The following CABIN1 variants were observed in gnomAD, a reference collection of about 807,000 sequenced individuals.
The protein encoded by CABIN1 is calcineurin-binding protein cabin-1.
A neutral mutation model predicts 227.7 loss-of-function variants in CABIN1; 133 were observed. The observed-to-expected ratio is 0.58, with a 90% CI of 0.51 to 0.67. CABIN1 has a LOEUF of 0.67. CABIN1 is among the 30% of genes least tolerant of loss of function. The pLI is 0.00. For missense variants in CABIN1, 2,408 were observed against 2,852.5 expected (o/e 0.84, Z 3.55); for synonymous variants, 1,086 against 1,155.1 (o/e 0.94, Z 1.21).
chr22:24,033,164 A>G (rs1011415080), intron 1 of CABIN1, among the ~76,000 whole-genome samples: 1 of 152,216 alleles, frequency 6.6e-6, no homozygotes, highest in African/African-American at 2.4e-5. Context: ...AACCCAGGAG[A>G]TAAAACAGCT....
intron 12 of CABIN1, among the ~76,000 whole-genome samples, chr22:24,060,862 C>T (rs573612754): frequency 1.3e-5 from 2 of 151,820 alleles, no homozygotes; most frequent in African/African-American, 4.8e-5. Context: ...ATGGCGCCAC[C>T]GCACTCCAGC....
At chr22:24,078,196 C>T (rs1236668052) in intron 19 of CABIN1, among the ~76,000 whole-genome samples, 1 of 152,092 alleles carries the variant, frequency 6.6e-6, no homozygotes, top group Admixed American at 6.5e-5. Context: ...TGTCATGTGC[C>T]CCTCCCCCAC....
chr22:24,016,764 A>G (rs1216691938), intron 1 of CABIN1, among the ~76,000 whole-genome samples: 2 of 152,232 alleles, frequency 1.3e-5, no homozygotes, highest in Non-Finnish European at 2.9e-5. Flanking sequence ...ACAGTGTATG[A>G]GAATAGCGCC....
rs2039320031 is a variant in CABIN1 at position 24,063,154 on chromosome 22, C to G, written c.1884+8C>G. 2 of 1,613,704 alleles carry G rather than the reference C, an allele frequency of 1.2e-6. No individual in the cohort carries two copies. Among genetic ancestry groups the G allele is most frequent in the Non-Finnish European group, 1.7e-6 (2 of 1,179,812 alleles). ...CGCTTCCTGGCGCTGCAGGTTAGTT[C>G]CATGGTCAGCTGCTTGGGGAGCATG... On this transcript the variant is annotated splice_region_variant and intron_variant, in intron 14 of 36. Coordinates refer to ENST00000263119, the MANE Select transcript of CABIN1 (RefSeq NM_012295.4).
chr22:24,065,493 C>T (rs1336510294), intron 15 of CABIN1, among the ~76,000 whole-genome samples: 224 of 151,368 alleles, frequency 1.5e-3, no homozygotes, highest in African/African-American at 5.1e-3. Flanking sequence ...GGATGGTGTC[C>T]GGGCAGAGAC....
chr22:24,068,343 G>A (rs992666028), intron 16 of CABIN1, among the ~76,000 whole-genome samples: 1 of 152,184 alleles, frequency 6.6e-6, no homozygotes, highest in African/African-American at 2.4e-5. Flanking sequence ...TGTGTGGGAG[G>A]GACAGCCAGC....
chr22:24,126,177 A>C (rs73167538), intron 28 of CABIN1, among the ~76,000 whole-genome samples: 3,468 of 152,256 alleles, frequency 0.023, 54 homozygotes, highest in Non-Finnish European at 0.036. Flanking sequence ...GCAGCTGTCT[A>C]CTGAGTGGTT....
intron 19 of CABIN1, among the ~76,000 whole-genome samples, chr22:24,079,951 A>T (rs1422861976): frequency 6.6e-6 from 1 of 151,606 alleles, no homozygotes; most frequent in Non-Finnish European, 1.5e-5. Context: ...TAAAATTTGA[A>T]TGTCAAATTT....
At chr22:24,096,877 C>T (rs536764698) in intron 25 of CABIN1, among the ~76,000 whole-genome samples, 4 of 152,352 alleles carry the variant, frequency 2.6e-5, no homozygotes, top group African/African-American at 7.2e-5. Context: ...GTGCGAAATT[C>T]AGCTGACCCC....
At chr22:24,108,461 G>A (rs1487096955) in intron 26 of CABIN1, among the ~76,000 whole-genome samples, 1 of 152,234 alleles carries the variant, frequency 6.6e-6, no homozygotes, top group African/African-American at 2.4e-5. Context: ...TTCTGGCTTT[G>A]TAAGTCAGGG....
chr22:24,097,667 T>A (rs2041974162), intron 25 of CABIN1, among the ~76,000 whole-genome samples: 1 of 152,234 alleles, frequency 6.6e-6, no homozygotes, highest in Non-Finnish European at 1.5e-5. Context: ...AGGTCTTAAG[T>A]TTGTCAGGCT....
chr22:24,087,726 T>A lies in CABIN1; in HGVS notation c.3525+13T>A. 6.2e-7 allele frequency: 1 copy of A among 1,612,936 alleles called. No homozygotes were observed. Among genetic ancestry groups the A allele is most frequent in the Non-Finnish European group, 8.5e-7 (1 of 1,179,972 alleles). ...GCTCGTGCAGCAGGTGAGGAGGGGG[T>A]GCTGCAGATGGGCTTGCCATCCTTC... is the stretch of plus-strand genomic sequence containing the variant. On this transcript the variant is annotated intron_variant, in intron 23 of 36. Transcript: ENST00000263119.
At chr22:24,073,074 G>A (rs2040204843) in intron 18 of CABIN1, among the ~76,000 whole-genome samples, 2 of 152,190 alleles carry the variant, frequency 1.3e-5, no homozygotes, top group South Asian at 4.1e-4. Context: ...GGCTCATGGT[G>A]GGTGCTGAGT....
At chr22:24,094,340 G>A (rs1239549191) in intron 24 of CABIN1, among the ~76,000 whole-genome samples, 1 of 152,176 alleles carries the variant, frequency 6.6e-6, no homozygotes, top group Non-Finnish European at 1.5e-5. Context: ...AGCCCCAGGG[G>A]TACCAGCAGC....
At chr22:24,116,984 A>G (rs1341680034) in intron 27 of CABIN1, among the ~76,000 whole-genome samples, 1 of 152,166 alleles carries the variant, frequency 6.6e-6, no homozygotes, top group Non-Finnish European at 1.5e-5. Context: ...AAGTTTTCTC[A>G]TCTTCACGCA....
chr22:24,020,883 T>C (rs2146563496), intron 1 of CABIN1, among the ~76,000 whole-genome samples: 1 of 152,266 alleles, frequency 6.6e-6, no homozygotes, highest in South Asian at 2.1e-4. Flanking sequence ...TGGAGAAGAA[T>C]ATATCATTTC....
chr22:24,113,568 C>G lies in CABIN1; in HGVS notation c.4120C>G (p.Arg1374Gly). ...KPHQQATPDD[R>G]SQDSTAVALS... ...TCTCTTCCTCCTTCTCCCCTCAGACCGAAGCCAGGACAGCACAGCCGTAGC... is the reference window on the plus strand; with the variant it reads ...TCTCTTCCTCCTTCTCCCCTCAGACGGAAGCCAGGACAGCACAGCCGTAGC... Residue 1374 changes from arginine to glycine, a missense_variant and splice_region_variant, in exon 27 of 37, where the codon CGA (arginine) becomes GGA (glycine). Around this residue, in one of 3 missense-constraint regions of CABIN1, gnomAD observed 649 missense variants for 910.3 expected, o/e 0.71. Coordinates refer to ENST00000263119, the MANE Select transcript of CABIN1 (RefSeq NM_012295.4). 1.2e-6 allele frequency: 2 copies of G among 1,614,016 alleles called. No homozygotes were observed. Among genetic ancestry groups the G allele is most frequent in the East Asian group, 4.5e-5 (2 of 44,880 alleles).
intron 16 of CABIN1, among the ~76,000 whole-genome samples, chr22:24,070,337 A>G (rs1021471972): frequency 1.3e-5 from 2 of 152,228 alleles, no homozygotes; most frequent in Non-Finnish European, 2.9e-5. Flanking sequence ...TTGCCTGGCC[A>G]GTTGCCCCTG....
intron 15 of CABIN1, among the ~76,000 whole-genome samples, chr22:24,066,016 A>G (rs1200564432): frequency 6.6e-6 from 1 of 152,184 alleles, no homozygotes; most frequent in Non-Finnish European, 1.5e-5. Context: ...GAGAGAGACC[A>G]TGGAAAGAGA....
Sources: gnomAD v4.1 joint callset for allele counts (sites outside exome capture counted in the v4.1 genomes callset) on GRCh38, gnomAD v4.1.1 for gene constraint, gnomAD v4.1.1 regional missense constraint, MANE v1.5 for transcripts, NCBI Gene and HGNC (gene_info 2026-07-23, HGNC 2026-07-21) for gene names.